The following ARHGAP18 variants were observed in gnomAD, a reference collection of about 807,000 sequenced individuals.
ARHGAP18 encodes the protein rho GTPase-activating protein 18.
ARHGAP18 carries 67 observed loss-of-function variants against 86.2 expected under a neutral mutation model. The observed-to-expected ratio is 0.78, with a 90% CI of 0.64 to 0.95. The LOEUF (loss-of-function observed/expected upper bound fraction) is 0.95. ARHGAP18 is among the 40% of genes least tolerant of loss of function. ARHGAP18 has a pLI of 0.00. For missense variants in ARHGAP18, 691 were observed against 780.4 expected (o/e 0.89, Z 1.37); for synonymous variants, 283 against 280.4 (o/e 1.01, Z -0.09).
Position 129,611,600 on chromosome 6 carries a change from C to T in ARHGAP18, c.1055G>A (p.Arg352Gln), listed in dbSNP as rs148956917. 1.8e-4 allele frequency: 292 copies of T among 1,613,408 alleles called. 1 individual carries two copies. In the African/African-American group the frequency reaches 3.2e-3, roughly 18 times the overall value. ...IPLIFQKLIS[R>Q]IEERGLETEG... ...TGTTTCCAAACCTCTCTCTTCAATT[C>T]GAGAAATCAGCTGTGCATAAACAGA... is the stretch of plus-strand genomic sequence containing the variant. The change falls in exon 8 of 15, where the codon CGA (arginine) becomes CAA (glutamine). Residue 352 changes from arginine (R) to glutamine (Q), a missense_variant. By Grantham distance (43) the Arg-to-Gln change is conservative. Coordinates refer to ENST00000368149, the MANE Select transcript of ARHGAP18 (RefSeq NM_033515.3).
At chr6:129,629,589 C>T (rs1488059222) in intron 4 of ARHGAP18, 67 bp from the exon 5 acceptor site, 5 of 1,484,918 alleles carry the variant, frequency 3.4e-6, no homozygotes, top group Non-Finnish European at 4.5e-6. Flanking sequence ...AATTCTAATG[C>T]ATTCGCTACA....
chr6:129,655,995 T>A (rs1773826638), intron 1 of ARHGAP18, among the ~76,000 whole-genome samples: 2 of 152,276 alleles, frequency 1.3e-5, no homozygotes, highest in Admixed American at 1.3e-4. Flanking sequence ...GAAACTGGAA[T>A]GAAGTCAATG....
chr6:129,611,705 C>T, intron 7 of ARHGAP18, 95 bp from the exon 8 acceptor site: 1 of 1,017,926 alleles, frequency 9.8e-7, no homozygotes, highest in South Asian at 1.4e-5. Context: ...AAACTGATTA[C>T]AATGACATGT....
intron 2 of ARHGAP18, among the ~76,000 whole-genome samples, chr6:129,638,869 T>C (rs1773388722): frequency 6.6e-6 from 1 of 152,204 alleles, no homozygotes; most frequent in South Asian, 2.1e-4. Flanking sequence ...TTAACCTCTA[T>C]AACTTCCCTG....
intron 5 of ARHGAP18, among the ~76,000 whole-genome samples, chr6:129,626,057 T>TACACACAC (rs1158020145): frequency 4.8e-5 from 3 of 62,208 alleles, no homozygotes; most frequent in African/African-American, 2.1e-4. Flanking sequence ...CACATATATA[T>TACACACAC]ACACATATAC....
chr6:129,644,438 A>T, intron 1 of ARHGAP18, among the ~76,000 whole-genome samples: 1 of 152,200 alleles, frequency 6.6e-6, no homozygotes. Context: ...TGTATTGTTC[A>T]TATTCCTTAC....
At chr6:129,696,078 A>G (rs1310821330) in intron 1 of ARHGAP18, among the ~76,000 whole-genome samples, 1 of 152,242 alleles carries the variant, frequency 6.6e-6, no homozygotes, top group Non-Finnish European at 1.5e-5. Context: ...TAACTACTGT[A>G]CTGGGATTAG....
chr6:129,707,397 T>G (rs11154494), intron 1 of ARHGAP18, among the ~76,000 whole-genome samples: 33,296 of 152,112 alleles, frequency 0.22, 3,911 homozygotes, highest in African/African-American at 0.28. Context: ...AAAGTTATAC[T>G]TCCGTGCTAT....
intron 2 of ARHGAP18, among the ~76,000 whole-genome samples, chr6:129,639,232 T>A (rs1165634880): frequency 2.0e-5 from 3 of 152,178 alleles, no homozygotes; most frequent in Non-Finnish European, 4.4e-5. Flanking sequence ...AAAAAACTTA[T>A]ATAGGAAGAT....
At chr6:129,705,700 TC>T (rs1231066185) in intron 1 of ARHGAP18, among the ~76,000 whole-genome samples, 1 of 152,238 alleles carries the variant, frequency 6.6e-6, no homozygotes, top group Non-Finnish European at 1.5e-5. Context: ...ATCCTTTCTT[TC>T]CTTTTCTTTA....
chr6:129,624,502 C>T (rs946498266), intron 5 of ARHGAP18, among the ~76,000 whole-genome samples: 6 of 151,728 alleles, frequency 4.0e-5, no homozygotes, highest in Admixed American at 1.3e-4. Context: ...GGTGACAGAG[C>T]GAGATTCCAT....
At chr6:129,616,346 TAAAATATTAATATA>T in intron 6 of ARHGAP18, 43 bp from the exon 7 acceptor site, 1 of 1,439,174 alleles carries the variant, frequency 6.9e-7, no homozygotes, top group Non-Finnish European at 9.6e-7. Flanking sequence ...TGTCAATCTA[TAAAATATTAATATA>T]AAAATGTTAA....
chr6:129,659,329 C>T (rs944243895), intron 1 of ARHGAP18, among the ~76,000 whole-genome samples: 2 of 152,190 alleles, frequency 1.3e-5, no homozygotes, highest in African/African-American at 4.8e-5. Context: ...CAAGTTAATG[C>T]CTGTTTATCT....
chr6:129,693,621 C>T (rs1584118134), intron 1 of ARHGAP18, among the ~76,000 whole-genome samples: 2 of 152,066 alleles, frequency 1.3e-5, no homozygotes, highest in East Asian at 3.9e-4. Context: ...AACTGAGGCC[C>T]CACTGCCACT....
chr6:129,656,098 CAACAACTACTGACTCCCTA>C (rs1403162764), intron 1 of ARHGAP18, among the ~76,000 whole-genome samples: 1 of 152,224 alleles, frequency 6.6e-6, no homozygotes, highest in African/African-American at 2.4e-5. Flanking sequence ...CACATTCATT[CAACAACTACTGACTCCCTA>C]TTAATTGCAA....
intron 9 of ARHGAP18, among the ~76,000 whole-genome samples, chr6:129,607,220 TG>T (rs1766231682): frequency 1.3e-5 from 2 of 152,196 alleles, no homozygotes; most frequent in African/African-American, 4.8e-5. Context: ...AAGGCAGTGA[TG>T]GCATTTTTAC....
intron 12 of ARHGAP18, among the ~76,000 whole-genome samples, chr6:129,592,927 G>C (rs1788546309): frequency 6.6e-6 from 1 of 152,164 alleles, no homozygotes; most frequent in Non-Finnish European, 1.5e-5. Context: ...GTGTTCGATT[G>C]TTGATGATAA....
chr6:129,707,748 C>T (rs2114562081), intron 1 of ARHGAP18, among the ~76,000 whole-genome samples: 1 of 151,878 alleles, frequency 6.6e-6, no homozygotes, highest in East Asian at 1.9e-4. Context: ...AGCAATCCAC[C>T]CACCTCAGCT....
At chr6:129,695,015 TCTGA>T (rs747237495) in intron 1 of ARHGAP18, among the ~76,000 whole-genome samples, 4 of 152,214 alleles carry the variant, frequency 2.6e-5, no homozygotes, top group South Asian at 2.1e-4. Context: ...GCCTAAAATA[TCTGA>T]CTAATTCCAA....
Sources: gnomAD v4.1 joint callset for allele counts (sites outside exome capture counted in the v4.1 genomes callset) on GRCh38, gnomAD v4.1.1 for gene constraint, MANE v1.5 for transcripts, NCBI Gene and HGNC (gene_info 2026-07-23, HGNC 2026-07-21) for gene names.